The following NME7 variants were observed in gnomAD, a reference collection of about 807,000 sequenced individuals.
NME7 encodes the protein NME/NM23 family member 7, also known as nucleoside diphosphate kinase 7.
A neutral mutation model predicts 49.1 loss-of-function variants in NME7; 41 were observed. That is an observed-to-expected ratio of 0.83 (90% CI 0.65 to 1.08). The LOEUF (loss-of-function observed/expected upper bound fraction) is 1.08. Among genes scored for constraint, NME7 ranks in the 50% least tolerant of loss-of-function variants. NME7 has a pLI of 0.00. For missense variants in NME7, 423 were observed against 463.4 expected (o/e 0.91, Z 0.80); for synonymous variants, 139 against 150.6 (o/e 0.92, Z 0.56).
At chr1:169,133,089 TA>T (rs5778601) in intron 11 of NME7, among the ~76,000 whole-genome samples, 14 of 150,226 alleles carry the variant, frequency 9.3e-5, no homozygotes, top group Non-Finnish European at 1.3e-4. Context: ...ACATATGTGT[TA>T]AAAAAAAAAG....
At chr1:169,307,551 T>A (rs991687254) in intron 4 of NME7, among the ~76,000 whole-genome samples, 2 of 152,194 alleles carry the variant, frequency 1.3e-5, no homozygotes, top group African/African-American at 4.8e-5. Context: ...CCTATGGTGC[T>A]CTTGAAGTGT....
At chr1:169,270,498 GACT>G (rs1199201601) in intron 7 of NME7, among the ~76,000 whole-genome samples, 1 of 133,888 alleles carries the variant, frequency 7.5e-6, no homozygotes, top group African/African-American at 2.5e-5. Flanking sequence ...CTTTAACAAT[GACT>G]ACATTTTTCT....
chr1:169,307,597 G>A (rs1651218628), intron 4 of NME7, among the ~76,000 whole-genome samples: 1 of 152,088 alleles, frequency 6.6e-6, no homozygotes, highest in African/African-American at 2.4e-5. Context: ...TGTGCTATAG[G>A]GCCATTATGA....
At chr1:169,142,923 G>A (rs1658640757) in intron 11 of NME7, among the ~76,000 whole-genome samples, 1 of 152,188 alleles carries the variant, frequency 6.6e-6, no homozygotes, top group African/African-American at 2.4e-5. Context: ...TTGTAGGGGA[G>A]TCCAAGCTTT....
intron 1 of NME7, among the ~76,000 whole-genome samples, chr1:169,333,076 GAATA>G (rs928316038): frequency 6.6e-6 from 1 of 152,130 alleles, no homozygotes; most frequent in African/African-American, 2.4e-5. Context: ...ATCAACAGAT[GAATA>G]AAGAAAATGT....
At chr1:169,265,558 C>G (rs1303017153) in intron 7 of NME7, among the ~76,000 whole-genome samples, 2 of 132,754 alleles carry the variant, frequency 1.5e-5, no homozygotes, top group African/African-American at 5.1e-5. Flanking sequence ...AATCAAACAT[C>G]ACAACTAGTA....
chr1:169,299,793 T>C (rs1650868783), intron 5 of NME7, among the ~76,000 whole-genome samples: 1 of 152,138 alleles, frequency 6.6e-6, no homozygotes, highest in Non-Finnish European at 1.5e-5. Context: ...AAGAGTTCTA[T>C]AATACCTCCT....
At chr1:169,218,146 C>CT (rs925405462) in intron 10 of NME7, among the ~76,000 whole-genome samples, 2 of 152,138 alleles carry the variant, frequency 1.3e-5, no homozygotes, top group East Asian at 1.9e-4. Context: ...GGCTTAACTG[C>CT]TTTTTTCCCT....
chr1:169,324,403 G>T lies in NME7; in HGVS notation c.101C>A (p.Ser34Tyr), dbSNP rs758806119. 4 of 1,608,232 alleles carry T rather than the reference G, an allele frequency of 2.5e-6. No homozygotes were observed. Among genetic ancestry groups the T allele is most frequent in the Non-Finnish European group, 3.4e-6 (4 of 1,174,842 alleles). ...GAAAGGCTTATTTACCATTTCAACA[G>T]ATCCATCCCCTGGGTAAAATAAAAG... ...YELLFYPGDG[S>Y]VEMHDVKNHR... is the part of the protein sequence containing the mutation. The change falls in exon 2 of 12, where the codon TCT becomes TAT. Residue 34 changes from serine (S) to tyrosine (Y), a missense_variant. By Grantham distance (144) the Ser-to-Tyr change is moderately radical (BLOSUM62 -2). Transcript: ENST00000367811.
At chr1:169,204,349 CT>C (rs1660621953) in intron 10 of NME7, among the ~76,000 whole-genome samples, 1 of 151,620 alleles carries the variant, frequency 6.6e-6, no homozygotes, top group Non-Finnish European at 1.5e-5. Flanking sequence ...GACAGTGCTA[CT>C]TTGTCAGTAA....
intron 11 of NME7, among the ~76,000 whole-genome samples, chr1:169,167,970 TGATG>T (rs1174088910): frequency 6.6e-6 from 1 of 151,072 alleles, no homozygotes; most frequent in African/African-American, 2.5e-5. Context: ...GACCATCAGG[TGATG>T]GTCAGGTGGT....
At chr1:169,324,329 A>G in intron 2 of NME7, 64 bp downstream of exon 2, 2 of 975,422 alleles carry the variant, frequency 2.1e-6, no homozygotes, top group Non-Finnish European at 1.6e-6. Context: ...GCAATTATAT[A>G]AAAGGCAATG....
intron 10 of NME7, among the ~76,000 whole-genome samples, chr1:169,169,970 A>G (rs939139446): frequency 6.6e-6 from 1 of 152,230 alleles, no homozygotes; most frequent in Non-Finnish European, 1.5e-5. Context: ...CCTGAATTTA[A>G]TGAGGGTTAG....
At chr1:169,274,565 G>C (rs188395983) in intron 7 of NME7, among the ~76,000 whole-genome samples, 1,451 of 133,588 alleles carry the variant, frequency 0.011, 163 homozygotes, top group African/African-American at 0.035. Flanking sequence ...GAATGGTATT[G>C]CCTAGGTTTT....
At chr1:169,363,110 A>C (rs1653721701) in intron 1 of NME7, among the ~76,000 whole-genome samples, 1 of 151,838 alleles carries the variant, frequency 6.6e-6, no homozygotes, top group African/African-American at 2.4e-5. Context: ...ATCATGGCAC[A>C]CACCTATTAT....
chr1:169,316,178 AAAAT>A (rs904338356), intron 3 of NME7, among the ~76,000 whole-genome samples: 59 of 151,966 alleles, frequency 3.9e-4, no homozygotes, highest in Middle Eastern at 3.4e-3. Flanking sequence ...TGTTTCTATC[AAAAT>A]AAATAAATAA....
intron 1 of NME7, among the ~76,000 whole-genome samples, chr1:169,332,170 C>G (rs761285833): frequency 1.3e-5 from 2 of 151,970 alleles, no homozygotes; most frequent in African/African-American, 4.8e-5. Context: ...ATCCACACAC[C>G]TACAGCGAAC....
intron 3 of NME7, among the ~76,000 whole-genome samples, chr1:169,319,103 A>G (rs1347569777): frequency 2.0e-5 from 3 of 151,864 alleles, no homozygotes; most frequent in Non-Finnish European, 4.4e-5. Flanking sequence ...ATGTCTTTTA[A>G]GTCATTCATA....
At chr1:169,234,981 G>T in intron 9 of NME7, 150 bp downstream of exon 9, 1 of 399,148 alleles carries the variant, frequency 2.5e-6, no homozygotes, top group Non-Finnish European at 4.5e-6. Context: ...TAACAACCTA[G>T]GTCGTTGACA....
Sources: allele counts gnomAD v4.1 joint callset (sites outside exome capture counted in the v4.1 genomes callset), GRCh38; gene constraint gnomAD v4.1.1; transcripts MANE v1.5; gene names NCBI Gene and HGNC (gene_info 2026-07-23, HGNC 2026-07-21).